Variants in PRKG1 observed in about 807,000 individuals in gnomAD.
PRKG1 encodes the protein cGMP-dependent protein kinase 1.
Under a neutral mutation model 88.1 loss-of-function variants are expected in PRKG1, and 35 were observed. The observed-to-expected ratio is 0.40, with a 90% CI of 0.30 to 0.53. The LOEUF (loss-of-function observed/expected upper bound fraction) is 0.53, where lower values mean the gene tolerates loss of function less well. Ranked by LOEUF, PRKG1 falls within the 20% of genes least tolerant of loss-of-function variation. The pLI, the probability that PRKG1 is intolerant of heterozygous loss-of-function variation, is 0.59. For missense variants in PRKG1, 540 were observed against 839.8 expected (o/e 0.64, Z 4.41); for synonymous variants, 303 against 292.5 (o/e 1.04, Z -0.37).
At position 52,196,538 on chromosome 10, in the gene PRKG1, G is replaced by A. The variant is rs568713218; in HGVS notation, c.1076+34575G>A. 1.1e-4 allele frequency among the ~76,000 whole-genome samples: 17 copies of A among 152,266 alleles called. No homozygotes were observed. In the South Asian group the frequency reaches 1.9e-3, roughly 17 times the overall value. On this transcript the variant is annotated intron_variant, in intron 9 of 17. Coordinates refer to ENST00000373980, the MANE Select transcript of PRKG1 (RefSeq NM_006258.4). ...AGGCTCACCAGCTTGCACCGTAGTC[G>A]TCTGAAACTCATATATTTACCAACA...
intron 3 of PRKG1, among the ~76,000 whole-genome samples, chr10:51,509,310 A>T (rs1841322386): frequency 6.6e-6 from 1 of 152,224 alleles, no homozygotes; most frequent in Non-Finnish European, 1.5e-5. Flanking sequence ...GTATGCAAGG[A>T]GTGACTAATT....
chr10:51,973,768 T>G (rs904005535), intron 5 of PRKG1, among the ~76,000 whole-genome samples: 3 of 152,108 alleles, frequency 2.0e-5, no homozygotes, highest in Admixed American at 6.6e-5. Context: ...CATAGCCAAT[T>G]GCTCCCTAAA....
intron 2 of PRKG1, among the ~76,000 whole-genome samples, chr10:51,414,406 A>G (rs1472410392): frequency 6.6e-6 from 1 of 152,212 alleles, no homozygotes; most frequent in Non-Finnish European, 1.5e-5. Context: ...AACACTGTGG[A>G]ATAAATAGTA....
At chr10:51,303,873 C>T (rs575310343) in intron 2 of PRKG1, among the ~76,000 whole-genome samples, 3 of 152,030 alleles carry the variant, frequency 2.0e-5, no homozygotes, top group South Asian at 2.1e-4. Context: ...CAGGCTGGAG[C>T]GCAGTGGTGT....
At chr10:51,210,769 A>G (rs1049041553) in intron 2 of PRKG1, among the ~76,000 whole-genome samples, 2 of 152,250 alleles carry the variant, frequency 1.3e-5, no homozygotes, top group Admixed American at 6.5e-5. Context: ...AACCAGGAAG[A>G]AGTTGAATCT....
intron 4 of PRKG1, among the ~76,000 whole-genome samples, chr10:51,894,335 T>G (rs1198756348): frequency 1.3e-5 from 2 of 152,164 alleles, no homozygotes. Flanking sequence ...ATTGTGATTC[T>G]ACTTCTAAGG....
intron 4 of PRKG1, among the ~76,000 whole-genome samples, chr10:51,822,002 C>T (rs1839759397): frequency 6.6e-6 from 1 of 151,958 alleles, no homozygotes; most frequent in Admixed American, 6.6e-5. Flanking sequence ...TATCTGCACT[C>T]CATATTTACT....
intron 2 of PRKG1, among the ~76,000 whole-genome samples, chr10:51,242,974 G>A (rs1839193362): frequency 6.6e-6 from 1 of 152,206 alleles, no homozygotes; most frequent in African/African-American, 2.4e-5. Flanking sequence ...GAGACCCGGT[G>A]TAGACATACT....
intron 5 of PRKG1, among the ~76,000 whole-genome samples, chr10:51,920,338 A>C (rs1202730979): frequency 1.6e-4 from 24 of 152,166 alleles, no homozygotes; most frequent in Non-Finnish European, 3.2e-4. Flanking sequence ...TTGATTTTCC[A>C]GTATAAGGCC....
intron 3 of PRKG1, among the ~76,000 whole-genome samples, chr10:51,523,089 T>C (rs1841779153): frequency 9.2e-5 from 14 of 152,244 alleles, no homozygotes; most frequent in Admixed American, 9.2e-4. Flanking sequence ...CAACACCAGA[T>C]ACTGCGAGGT....
At position 51,654,363 on chromosome 10, in the gene PRKG1, C is replaced by T. The variant is rs917105243; in HGVS notation, c.593-150222C>T. On this transcript the variant is annotated intron_variant, in intron 3 of 17. Transcript: ENST00000373980. ...ATATGTGGATTTAGTTCTGAGCTCT[C>T]GATTCTATTCCTTTCATCTATGTTC... 2.6e-5 allele frequency among the ~76,000 whole-genome samples: 4 copies of T among 152,074 alleles called. No homozygotes were observed. In the East Asian group the frequency reaches 7.7e-4, roughly 29 times the overall value.
intron 3 of PRKG1, among the ~76,000 whole-genome samples, chr10:51,598,660 G>C (rs1838520005): frequency 6.6e-6 from 1 of 152,194 alleles, no homozygotes; most frequent in East Asian, 1.9e-4. Flanking sequence ...AAAATATTCA[G>C]TGGTCCCAGG....
chr10:51,029,208 A>G (rs922161179), intron 1 of PRKG1, among the ~76,000 whole-genome samples: 7 of 152,216 alleles, frequency 4.6e-5, no homozygotes, highest in African/African-American at 1.7e-4. Context: ...CAACAATTCA[A>G]TAACAGAGAG....
intron 1 of PRKG1, among the ~76,000 whole-genome samples, chr10:51,067,578 A>C (rs538965566): frequency 4.6e-5 from 7 of 152,164 alleles, no homozygotes; most frequent in African/African-American, 1.7e-4. Flanking sequence ...TAGTCAACAT[A>C]GATGATTTTC....
chr10:51,148,310 A>T (rs1452827473), intron 1 of PRKG1: 3 of 976,878 alleles, frequency 3.1e-6, no homozygotes, highest in Non-Finnish European at 3.6e-6. Flanking sequence ...TTGATCCCAA[A>T]GTTGACCATT....
chr10:52,028,716 T>C (rs915877820), intron 5 of PRKG1, among the ~76,000 whole-genome samples: 3 of 152,238 alleles, frequency 2.0e-5, no homozygotes, highest in African/African-American at 7.2e-5. Context: ...GGAATTGGTT[T>C]TGATATTTTG....
At chr10:51,547,854 T>C (rs573206757) in intron 3 of PRKG1, among the ~76,000 whole-genome samples, 1 of 152,230 alleles carries the variant, frequency 6.6e-6, no homozygotes, top group South Asian at 2.1e-4. Context: ...GTAGCTTCCT[T>C]TCAAGTTATT....
At position 51,268,886 on chromosome 10, in the gene PRKG1, G is replaced by A. The variant is rs188772958; in HGVS notation, c.478+115556G>A. Among the ~76,000 whole-genome samples the A allele has an allele frequency of 4.7e-4, 72 of 152,276 alleles. 2 individuals are homozygous for A. In the East Asian group the frequency reaches 0.013, roughly 27 times the overall value. On this transcript the variant is annotated intron_variant, in intron 2 of 17. Coordinates refer to ENST00000373980, the MANE Select transcript of PRKG1 (RefSeq NM_006258.4). ...AAGACAGGCGTAAGACATTATAAAA[G>A]TATTAATTTGGGGAACTAATAAATG...
chr10:51,304,745 G>A (rs556535191), intron 2 of PRKG1, among the ~76,000 whole-genome samples: 9 of 148,664 alleles, frequency 6.1e-5, no homozygotes, highest in East Asian at 4.0e-4. Flanking sequence ...TTGGTTTTTC[G>A]TCCTTGCAAT....
Sources: gnomAD v4.1 joint callset for allele counts (sites outside exome capture counted in the v4.1 genomes callset) on GRCh38, gnomAD v4.1.1 for gene constraint, MANE v1.5 for transcripts, NCBI Gene and HGNC (gene_info 2026-07-23, HGNC 2026-07-21) for gene names.